Variants in CNTNAP2 observed in about 807,000 individuals in gnomAD.
The protein encoded by CNTNAP2 is contactin associated protein 2.
A neutral mutation model predicts 155.2 loss-of-function variants in CNTNAP2; 98 were observed. That is an observed-to-expected ratio of 0.63 (90% CI 0.54 to 0.75). The LOEUF is 0.75. Ranked by LOEUF, CNTNAP2 falls within the 30% of genes least tolerant of loss-of-function variation. The probability of loss-of-function intolerance (pLI) is 0.00; values close to 1 mark genes in which losing one functional copy is unlikely to be tolerated. For synonymous variants in CNTNAP2, 651 were observed against 631.2 expected (o/e 1.03, Z -0.47); for missense variants, 1,727 against 1,688.1 (o/e 1.02, Z -0.40).
At position 148,327,161 on chromosome 7, in the gene CNTNAP2, G is replaced by A. The variant is rs117312675; in HGVS notation, c.3476-56488G>A. On this transcript the variant is annotated intron_variant, in intron 21 of 23. Transcript: ENST00000361727. ...AAGAATGAACCCACAGAGAAGGGTG[G>A]CCTCACTGCTCCCAGGGGCTGCTGC... 7.5e-4 allele frequency among the ~76,000 whole-genome samples: 114 copies of A among 152,288 alleles called. No individual in the cohort carries two copies. In the East Asian group the frequency reaches 0.019, roughly 26 times the overall value.
At chr7:146,575,991 C>T (rs1798518493) in intron 1 of CNTNAP2, among the ~76,000 whole-genome samples, 1 of 152,176 alleles carries the variant, frequency 6.6e-6, no homozygotes, top group Non-Finnish European at 1.5e-5. Flanking sequence ...ATTCTGTGTA[C>T]AAATAAATAG....
intron 10 of CNTNAP2, among the ~76,000 whole-genome samples, chr7:147,415,633 A>G (rs1797180340): frequency 6.6e-6 from 1 of 152,180 alleles, no homozygotes; most frequent in Non-Finnish European, 1.5e-5. Context: ...TTTCCTTTAT[A>G]AATTACCCAG....
intron 15 of CNTNAP2, among the ~76,000 whole-genome samples, chr7:148,090,667 C>T (rs539220186): frequency 1.3e-5 from 2 of 152,088 alleles, no homozygotes; most frequent in African/African-American, 4.8e-5. Context: ...ATTAGTACAA[C>T]CATTAGGGTA....
intron 8 of CNTNAP2, among the ~76,000 whole-genome samples, chr7:147,229,904 A>G (rs1012976428): frequency 1.3e-5 from 2 of 152,218 alleles, no homozygotes; most frequent in African/African-American, 4.8e-5. Context: ...TTGTGGCTTA[A>G]AACCATCTTT....
At chr7:146,158,149 T>TC (rs1020174201) in intron 1 of CNTNAP2, among the ~76,000 whole-genome samples, 1 of 152,042 alleles carries the variant, frequency 6.6e-6, no homozygotes, top group African/African-American at 2.4e-5. Flanking sequence ...TCCAGCAAAC[T>TC]CCAACAGACC....
At chr7:147,225,980 A>G (rs971762376) in intron 8 of CNTNAP2, among the ~76,000 whole-genome samples, 3 of 151,746 alleles carry the variant, frequency 2.0e-5, no homozygotes, top group East Asian at 3.9e-4. Context: ...AGAGAGAAAG[A>G]AAGAGAGAAA....
At chr7:148,250,750 C>T (rs2116815148) in intron 20 of CNTNAP2, among the ~76,000 whole-genome samples, 3 of 152,336 alleles carry the variant, frequency 2.0e-5, no homozygotes, top group African/African-American at 7.2e-5. Context: ...TGCTTCTTCC[C>T]AAAGTGCTGG....
At chr7:147,367,796 T>C (rs1161827259) in intron 9 of CNTNAP2, among the ~76,000 whole-genome samples, 4 of 152,088 alleles carry the variant, frequency 2.6e-5, no homozygotes, top group African/African-American at 4.8e-5. Context: ...AAATTATCAT[T>C]TTTAAAAAAT....
At chr7:148,201,969 CAAAT>C (rs1795377248) in intron 18 of CNTNAP2, among the ~76,000 whole-genome samples, 2 of 151,846 alleles carry the variant, frequency 1.3e-5, no homozygotes, top group Admixed American at 1.3e-4. Context: ...GCAGATGAGG[CAAAT>C]GAATGAGTTG....
At chr7:148,082,381 T>A (rs186140732) in intron 15 of CNTNAP2, among the ~76,000 whole-genome samples, 9 of 152,086 alleles carry the variant, frequency 5.9e-5, no homozygotes, top group Admixed American at 5.9e-4. Context: ...GCTAGTGAGG[T>A]TTTTCTCTTA....
chr7:147,222,802 T>G (rs1803433548), intron 8 of CNTNAP2, among the ~76,000 whole-genome samples: 1 of 141,914 alleles, frequency 7.0e-6, no homozygotes, highest in Admixed American at 7.7e-5. Flanking sequence ...ATCACAAGTG[T>G]TTCTCAGGGT....
At chr7:146,192,943 A>C (rs1798727026) in intron 1 of CNTNAP2, among the ~76,000 whole-genome samples, 1 of 152,132 alleles carries the variant, frequency 6.6e-6, no homozygotes, top group Non-Finnish European at 1.5e-5. Flanking sequence ...AATGGGAGAA[A>C]TTGGCCAAAA....
chr7:147,382,840 T>C (rs73475223), intron 9 of CNTNAP2, among the ~76,000 whole-genome samples: 4,997 of 152,266 alleles, frequency 0.033, 106 homozygotes, highest in South Asian at 0.045. Flanking sequence ...CCTCGAATGA[T>C]GTAGTACATT....
At chr7:147,523,203 T>C (rs1183704978) in intron 11 of CNTNAP2, among the ~76,000 whole-genome samples, 2 of 152,176 alleles carry the variant, frequency 1.3e-5, no homozygotes, top group East Asian at 1.9e-4. Flanking sequence ...CTCAGCTCTT[T>C]GCTAGTCATC....
intron 1 of CNTNAP2, among the ~76,000 whole-genome samples, chr7:146,494,605 G>C (rs555093000): frequency 6.6e-6 from 1 of 152,194 alleles, no homozygotes; most frequent in South Asian, 2.1e-4. Flanking sequence ...CCAACAGTTA[G>C]GAGGGTATAG....
chr7:146,685,286 A>G (rs974233529), intron 1 of CNTNAP2, among the ~76,000 whole-genome samples: 1 of 152,130 alleles, frequency 6.6e-6, no homozygotes, highest in Non-Finnish European at 1.5e-5. Context: ...AAGAACCAAC[A>G]ATACATGCAA....
chr7:148,183,908 G>A (rs1171818664), intron 18 of CNTNAP2, among the ~76,000 whole-genome samples: 1 of 152,182 alleles, frequency 6.6e-6, no homozygotes, highest in African/African-American at 2.4e-5. Context: ...AATATTTCAT[G>A]AGGCTTTGCC....
At chr7:147,295,270 CGT>C (rs749144938) in intron 8 of CNTNAP2, among the ~76,000 whole-genome samples, 23 of 150,250 alleles carry the variant, frequency 1.5e-4, no homozygotes, top group African/African-American at 2.7e-4. Flanking sequence ...TGTGTGCATG[CGT>C]GTGTGTGTGT....
chr7:147,010,760 A>G (rs980515233), intron 3 of CNTNAP2, among the ~76,000 whole-genome samples: 74 of 152,308 alleles, frequency 4.9e-4, no homozygotes, highest in African/African-American at 1.7e-3. Flanking sequence ...GGAATCAGGA[A>G]ATCAAAATAT....
Sources: allele counts gnomAD v4.1 joint callset (sites outside exome capture counted in the v4.1 genomes callset), GRCh38; gene constraint gnomAD v4.1.1; transcripts MANE v1.5; gene names NCBI Gene and HGNC (gene_info 2026-07-23, HGNC 2026-07-21).